RAB40B: variants seen among roughly 807,000 people sequenced by gnomAD.
RAB40B encodes RAB40B, member RAS oncogene family.
A neutral mutation model predicts 24.0 loss-of-function variants in RAB40B; 21 were observed. The ratio of observed to expected loss-of-function variants is 0.88; its 90% CI spans 0.62 to 1.26. The LOEUF is 1.26. Ranked by LOEUF, RAB40B falls within the 50% of genes most tolerant of loss-of-function variation. The probability of loss-of-function intolerance (pLI) is 0.00; values close to 1 mark genes in which losing one functional copy is unlikely to be tolerated. For missense variants in RAB40B, 348 were observed against 390.5 expected (o/e 0.89, Z 0.92); for synonymous variants, 167 against 169.8 (o/e 0.98, Z 0.13).
rs533307235 is a variant in RAB40B at position 82,677,197 on chromosome 17, T to G, written c.143-12641A>C. 9.9e-5 allele frequency among the ~76,000 whole-genome samples: 15 copies of G among 152,204 alleles called. No homozygotes were observed. The South Asian group carries it at 2.9e-3, about 29-fold the overall frequency. On this transcript the variant is annotated intron_variant, in intron 1 of 5. Transcript: ENST00000571995. ...CCCCTGACCTCGTGATCCACCTGCC[T>G]CGGCCTCCCAAAGTGCTAGGATTAC... is the stretch of plus-strand genomic sequence containing the variant.
Position 82,692,053 on chromosome 17 carries a change from C to T in RAB40B, c.142+6402G>A, listed in dbSNP as rs982793620. 2.9e-5 allele frequency among the ~76,000 whole-genome samples: 4 copies of T among 138,970 alleles called. No individual in the cohort carries two copies. Among genetic ancestry groups the T allele is most frequent in the Non-Finnish European group, 4.7e-5 (3 of 64,158 alleles). The allele number at this position is 138,970 out of a possible 152,430, so 91.2% of individuals were successfully genotyped here. A position where few individuals can be genotyped will look rare whatever the true frequency, so the allele number is the denominator to read the frequency against. On this transcript the variant is annotated intron_variant, in intron 1 of 5. Coordinates refer to ENST00000571995, the MANE Select transcript of RAB40B (RefSeq NM_006822.3). This position sits in a 1 kb window ranked among gnomAD's most constrained non-coding sequence, Gnocchi z 4.0. ...AGGTGACAGGCAGAGCAGTGGGGCCCGCACGGTCCGTGGGCTGAGGTGACA... is the reference window on the plus strand; with the variant it reads ...AGGTGACAGGCAGAGCAGTGGGGCCTGCACGGTCCGTGGGCTGAGGTGACA...
intron 1 of RAB40B, among the ~76,000 whole-genome samples, chr17:82,676,305 CT>C (rs1247857871): frequency 1.3e-4 from 14 of 111,106 alleles, no homozygotes; most frequent in Admixed American, 2.6e-4. Context: ...TCAACAGCCT[CT>C]CCCTCCACAC....
At chr17:82,658,838 G>A in intron 4 of RAB40B, 125 bp from the exon 5 acceptor site, 1 of 835,164 alleles carries the variant, frequency 1.2e-6, no homozygotes, top group Admixed American at 2.9e-5. Context: ...CCTCAGCATG[G>A]GACCTCGTTT....
At chr17:82,664,210 G>A (rs2046220562) in intron 2 of RAB40B, among the ~76,000 whole-genome samples, 3 of 147,028 alleles carry the variant, frequency 2.0e-5, no homozygotes, top group African/African-American at 7.7e-5. Context: ...TGCTCCCTGG[G>A]GTGCTGGGCA....
chr17:82,684,613 T>G (rs766468264), intron 1 of RAB40B, among the ~76,000 whole-genome samples: 3 of 152,190 alleles, frequency 2.0e-5, no homozygotes, highest in Non-Finnish European at 4.4e-5. Flanking sequence ...GAGCTCTTGG[T>G]GCACCTGACA....
In RAB40B at chr17:82,658,498, C is replaced by G. The variant is rs763442000; in HGVS notation, c.558G>C (p.Pro186=). Residue 186 remains proline, a synonymous_variant, in exon 5 of 6, where the codon CCG becomes CCC. Transcript: ENST00000571995. The part of the protein sequence containing the change: ...LRHGMDRLWR[P]SKVLSLQDLC... Reference sequence around the variant, plus strand: ...AATAGCCCCTGGGCCTACCCTTGCTCGGCCGCCAGAGCCGGTCCATCCCAT... The same window carrying G: ...AATAGCCCCTGGGCCTACCCTTGCTGGGCCGCCAGAGCCGGTCCATCCCAT... 2 of 1,611,816 alleles carry G rather than the reference C, an allele frequency of 1.2e-6. No individual in the cohort carries two copies. The highest frequency in any genetic ancestry group is 2.2e-5 in the East Asian group (1 of 44,880).
At chr17:82,661,278 A>T (rs1189889088) in intron 2 of RAB40B, 1 of 1,315,178 alleles carries the variant, frequency 7.6e-7, no homozygotes, top group Non-Finnish European at 9.7e-7. Flanking sequence ...AAACTAGAAA[A>T]AATAGTGACG....
rs780397067 is a variant in RAB40B at position 82,698,627 on chromosome 17, G to A, written c.-31C>T. ...CGGCCCGGCGCCCCCACCCATGCCC[G>A]GCCTGCGGGGCTGAGCGCAGAGGCG... On this transcript the variant is annotated 5_prime_UTR_variant, in exon 1 of 6. Coordinates refer to ENST00000571995, the MANE Select transcript of RAB40B (RefSeq NM_006822.3). The A allele has an allele frequency of 5.1e-6, 7 of 1,374,420 alleles. 2 individuals carry two copies. The South Asian group carries it at 6.4e-5, about 13-fold the overall frequency. The allele number at this position is 1,374,420 out of a possible 1,614,324, so 85.1% of individuals were successfully genotyped here. A position where few individuals can be genotyped will look rare whatever the true frequency, so the allele number is the denominator to read the frequency against.
At chr17:82,681,527 A>C (rs906997444) in intron 1 of RAB40B, among the ~76,000 whole-genome samples, 27 of 152,222 alleles carry the variant, frequency 1.8e-4, no homozygotes, top group African/African-American at 6.3e-4. Flanking sequence ...AAAGCATCTC[A>C]AGGCTCTGTG....
At chr17:82,691,118 G>A (rs2046553509) in intron 1 of RAB40B, among the ~76,000 whole-genome samples, 2 of 152,128 alleles carry the variant, frequency 1.3e-5, no homozygotes, top group African/African-American at 4.8e-5. Context: ...GTGTAGTCTT[G>A]AGGGAGTGGC....
At chr17:82,691,452 C>G (rs2046556671) in intron 1 of RAB40B, among the ~76,000 whole-genome samples, 1 of 152,070 alleles carries the variant, frequency 6.6e-6, no homozygotes. Context: ...TCGGGAGGCC[C>G]AGGCAGGCGG....
rs1206461976 is a variant in RAB40B at position 82,663,641 on chromosome 17, C to G, written c.203+855G>C. Among the ~76,000 whole-genome samples the G allele has an allele frequency of 6.6e-6, 1 of 152,046 alleles. No homozygotes were observed. Among genetic ancestry groups the G allele is most frequent in the Non-Finnish European group, 1.5e-5 (1 of 67,962 alleles). On this transcript the variant is annotated intron_variant, in intron 2 of 5. Transcript: ENST00000571995. The surrounding 1 kb of genome is among the most constrained non-coding windows in gnomAD (Gnocchi z 6.2). ...GCTGGCCAGCAAGTCCTCACCTCCC[C>G]ACGTCTGGGTCCTCCACCCGCAGGC...
chr17:82,676,627 C>A (rs1219729907), intron 1 of RAB40B, among the ~76,000 whole-genome samples: 1 of 151,910 alleles, frequency 6.6e-6, no homozygotes, highest in Non-Finnish European at 1.5e-5. Flanking sequence ...ACTAATTTTT[C>A]TTTTTCTTTT....
Position 82,663,485 on chromosome 17 carries a change from C to G in RAB40B, c.203+1011G>C, listed in dbSNP as rs1249380734. Among the ~76,000 whole-genome samples the G allele has an allele frequency of 6.6e-6, 1 of 152,138 alleles. No individual in the cohort carries two copies. On this transcript the variant is annotated intron_variant, in intron 2 of 5. Coordinates refer to ENST00000571995, the MANE Select transcript of RAB40B (RefSeq NM_006822.3). This position sits in a 1 kb window ranked among gnomAD's most constrained non-coding sequence, Gnocchi z 6.2. Reference sequence around the variant, plus strand: ...AGCTCCCCCCATCCCAAGCCAAGAGCGGGTGGAGGGAGAGGTGTTCCAAGC... The same window carrying G: ...AGCTCCCCCCATCCCAAGCCAAGAGGGGGTGGAGGGAGAGGTGTTCCAAGC...
chr17:82,660,066 CAT>C (rs1460313311), intron 3 of RAB40B, among the ~76,000 whole-genome samples: 13 of 152,176 alleles, frequency 8.5e-5, no homozygotes, highest in Non-Finnish European at 1.2e-4. Flanking sequence ...TACCTGCACA[CAT>C]GTTGCATACA....
chr17:82,662,173 C>G (rs1228572687), intron 2 of RAB40B: 5 of 985,364 alleles, frequency 5.1e-6, no homozygotes, highest in African/African-American at 3.5e-5. Flanking sequence ...GAGAGAAGGG[C>G]CTGGGGCTCC....
Position 82,663,680 on chromosome 17 carries a change from C to T in RAB40B, c.203+816G>A, listed in dbSNP as rs950340032. On this transcript the variant is annotated intron_variant, in intron 2 of 5. Coordinates refer to ENST00000571995, the MANE Select transcript of RAB40B (RefSeq NM_006822.3). This position sits in a 1 kb window ranked among gnomAD's most constrained non-coding sequence, Gnocchi z 6.2. The stretch of plus-strand genomic sequence containing the variant: ...CCACCCGCAGGCCCGACCACAGCCC[C>T]GCTGGCACCAGGACGCTCCGAGCTC... 1.7e-4 allele frequency among the ~76,000 whole-genome samples: 26 copies of T among 152,220 alleles called. No homozygotes were observed. The highest frequency in any genetic ancestry group is 9.1e-4 in the Admixed American group (14 of 15,306).
At chr17:82,660,660 C>T (rs1410091251) in intron 3 of RAB40B, among the ~76,000 whole-genome samples, 1 of 147,132 alleles carries the variant, frequency 6.8e-6, no homozygotes, top group African/African-American at 2.5e-5. Context: ...CAGACGTATG[C>T]ACAGTGCACG....
At chr17:82,673,582 A>G (rs964006883) in intron 1 of RAB40B, among the ~76,000 whole-genome samples, 3 of 152,244 alleles carry the variant, frequency 2.0e-5, no homozygotes, top group Admixed American at 2.0e-4. Context: ...GGACAGGCAT[A>G]CAATTGAGGG....
Sources: gnomAD v4.1 joint callset for allele counts (sites outside exome capture counted in the v4.1 genomes callset) on GRCh38, gnomAD v4.1.1 for gene constraint, Gnocchi (gnomAD v3.1) non-coding constraint, MANE v1.5 for transcripts, NCBI Gene and HGNC (gene_info 2026-07-23, HGNC 2026-07-21) for gene names.